Variants in KDM2A observed in about 807,000 individuals in gnomAD.
KDM2A encodes lysine demethylase 2A.
In KDM2A, 3 loss-of-function variants were observed where a neutral mutation model predicts 137.3. The ratio of observed to expected loss-of-function variants is 0.02; its 90% CI spans 0.01 to 0.06. The LOEUF is 0.06. Among genes scored for constraint, KDM2A ranks in the 10% least tolerant of loss-of-function variants. The probability of loss-of-function intolerance (pLI) is 1.00; values close to 1 mark genes in which losing one functional copy is unlikely to be tolerated. For missense variants in KDM2A, 738 were observed against 1,510.6 expected, an observed-to-expected ratio of 0.49 and a Z score of 8.48; for synonymous variants, 512 against 541.5, an observed-to-expected ratio of 0.95 and a Z score of 0.76.
chr11:67,143,074 T>C (rs1261858145), intron 2 of KDM2A: 1 of 148,122 alleles, frequency 6.8e-6, no homozygotes, highest in Non-Finnish European at 1.5e-5. Flanking sequence ...CAGGCTGGAG[T>C]GCAATGACAT....
intron 5 of KDM2A, among the ~76,000 whole-genome samples, chr11:67,182,946 A>T (rs1455971356): frequency 1.3e-5 from 2 of 152,240 alleles, no homozygotes; most frequent in Non-Finnish European, 2.9e-5. Flanking sequence ...CTAAAGCTCC[A>T]GTGCCATTCC....
chr11:67,124,980 C>T (rs2136277614), intron 2 of KDM2A, among the ~76,000 whole-genome samples: 1 of 151,370 alleles, frequency 6.6e-6, no homozygotes, highest in Middle Eastern at 3.4e-3. Context: ...GCCTCAGACT[C>T]CCGAGTAGCT....
At chr11:67,147,797 C>T (rs1400245064) in intron 2 of KDM2A, among the ~76,000 whole-genome samples, 1 of 151,622 alleles carries the variant, frequency 6.6e-6, no homozygotes, top group Non-Finnish European at 1.5e-5. Flanking sequence ...CCAGCCTCAA[C>T]CTTCCAAGTA....
chr11:67,228,260 T>C (rs577859668), intron 11 of KDM2A, 97 bp downstream of exon 11: 3 of 1,338,568 alleles, frequency 2.2e-6, no homozygotes, highest in Non-Finnish European at 2.1e-6. Context: ...TGTTCTTGGT[T>C]TTTTAATTCA....
intron 2 of KDM2A, among the ~76,000 whole-genome samples, chr11:67,134,907 T>A (rs1368473712): frequency 6.6e-6 from 1 of 152,220 alleles, no homozygotes. Context: ...CTTTTTCTGT[T>A]GTTGAATTTT....
chr11:67,247,576 C>T (rs1281292496), intron 15 of KDM2A, among the ~76,000 whole-genome samples: 3 of 151,744 alleles, frequency 2.0e-5, no homozygotes, highest in African/African-American at 7.3e-5. Context: ...TACAGGCATG[C>T]ACCACCATGC....
intron 2 of KDM2A, among the ~76,000 whole-genome samples, chr11:67,161,982 C>T (rs181524967): frequency 2.0e-5 from 3 of 152,186 alleles, no homozygotes; most frequent in Admixed American, 6.5e-5. Context: ...ATATTATGCT[C>T]TTAGTAGTTG....
At chr11:67,178,304 T>C (rs1478403975) in intron 2 of KDM2A, among the ~76,000 whole-genome samples, 1 of 152,100 alleles carries the variant, frequency 6.6e-6, no homozygotes, top group Non-Finnish European at 1.5e-5. Context: ...TATGGGAGGC[T>C]GTAGGTGGGA....
chr11:67,147,672 T>G lies in KDM2A; in HGVS notation c.42+26314T>G, dbSNP rs553574164. Among the ~76,000 whole-genome samples the G allele has an allele frequency of 2.0e-5, 3 of 150,672 alleles. No individual in the cohort carries two copies. In the South Asian group the frequency reaches 6.2e-4, roughly 31 times the overall value. ...TCTCTGGAGACTGAGTAGTTCCCTT[T>G]CATTAGAGATTCTTTTTTTTTTTGA... On this transcript the variant is annotated intron_variant, in intron 2 of 20. Coordinates refer to ENST00000529006, the MANE Select transcript of KDM2A (RefSeq NM_012308.3).
intron 5 of KDM2A, among the ~76,000 whole-genome samples, chr11:67,193,645 G>A (rs1425934370): frequency 1.3e-5 from 2 of 152,150 alleles, no homozygotes; most frequent in Non-Finnish European, 2.9e-5. Flanking sequence ...CAGATCACCT[G>A]AGGTCGGGAG....
At chr11:67,241,889 T>C (rs1198997570) in intron 12 of KDM2A, among the ~76,000 whole-genome samples, 4 of 152,030 alleles carry the variant, frequency 2.6e-5, no homozygotes, top group East Asian at 3.9e-4. Context: ...GCCAACATGG[T>C]GAAACTCCGT....
chr11:67,161,056 T>C (rs1856625378), intron 2 of KDM2A, among the ~76,000 whole-genome samples: 1 of 152,254 alleles, frequency 6.6e-6, no homozygotes, highest in East Asian at 1.9e-4. Flanking sequence ...TTGCCTGAGT[T>C]AACTGTGGAC....
intron 5 of KDM2A, among the ~76,000 whole-genome samples, chr11:67,201,277 C>G (rs1857617581): frequency 6.6e-6 from 1 of 151,084 alleles, no homozygotes. Context: ...CATAGTGATT[C>G]TGCTGGTAAA....
intron 2 of KDM2A, among the ~76,000 whole-genome samples, chr11:67,148,051 TATTG>T (rs1309168201): frequency 6.6e-6 from 1 of 151,990 alleles, no homozygotes; most frequent in African/African-American, 2.4e-5. Context: ...AGTACATACA[TATTG>T]ATTGATTGAC....
chr11:67,222,243 T>G (rs1227215946), intron 10 of KDM2A, among the ~76,000 whole-genome samples: 1 of 98,074 alleles, frequency 1.0e-5, no homozygotes, highest in Non-Finnish European at 2.0e-5. Context: ...TTTGTGTCCC[T>G]GATTACTTGA....
intron 2 of KDM2A, among the ~76,000 whole-genome samples, chr11:67,132,697 G>A (rs554043325): frequency 2.6e-5 from 4 of 152,308 alleles, no homozygotes; most frequent in African/African-American, 9.6e-5. Flanking sequence ...TGCCTTTTGA[G>A]GTGACAGGAA....
intron 2 of KDM2A, among the ~76,000 whole-genome samples, chr11:67,136,491 T>C (rs1855972408): frequency 6.6e-6 from 1 of 152,232 alleles, no homozygotes; most frequent in African/African-American, 2.4e-5. Context: ...TATGTTGTAC[T>C]AAGCATTTTA....
intron 5 of KDM2A, among the ~76,000 whole-genome samples, chr11:67,182,538 T>TA (rs1187954030): frequency 2.7e-5 from 4 of 149,446 alleles, no homozygotes; most frequent in African/African-American, 7.4e-5. Context: ...GTCTTTTTTT[T>TA]TTTTTTTTTT....
At position 67,228,119 on chromosome 11, in the gene KDM2A, G is replaced by A. The variant is rs201937858; in HGVS notation, c.1040G>A (p.Arg347His). ...CGCTATGTGTACTGCATAACCAACC[G>A]TTCCCACCTAACTAAGGAATTTCAG... The part of the protein sequence containing the change: ...LERYVYCITN[R>H]SHLTKEFQKE... The change falls in exon 11 of 21, where the codon CGT becomes CAT. Residue 347 changes from arginine (R) to histidine (H), a missense_variant. Arg to His is a conservative substitution (Grantham distance 29). This residue lies in a region of KDM2A where 113 missense variants were observed against 133.5 expected (regional missense o/e 0.85). Coordinates refer to ENST00000529006, the MANE Select transcript of KDM2A (RefSeq NM_012308.3). 1.8e-4 allele frequency: 283 copies of A among 1,613,598 alleles called. No individual in the cohort carries two copies. Among genetic ancestry groups the A allele is most frequent in the Admixed American group, 7.7e-4 (46 of 60,002 alleles).
Sources: allele counts gnomAD v4.1 joint callset (sites outside exome capture counted in the v4.1 genomes callset), GRCh38; gene constraint gnomAD v4.1.1; regional missense constraint gnomAD v4.1.1; transcripts MANE v1.5; gene names NCBI Gene and HGNC (gene_info 2026-07-23, HGNC 2026-07-21).